The following DGKH variants were observed in gnomAD, a reference collection of about 807,000 sequenced individuals.
DGKH encodes the protein DAG kinase eta.
In DGKH, 90 loss-of-function variants were observed where a neutral mutation model predicts 159.3. The observed-to-expected ratio is 0.57, with a 90% CI of 0.48 to 0.67. DGKH has a LOEUF of 0.67. DGKH is among the 30% of genes least tolerant of loss of function. The pLI is 0.00. For synonymous variants in DGKH, 536 were observed against 553.8 expected (o/e 0.97, Z 0.45); for missense variants, 1,181 against 1,506.1 (o/e 0.78, Z 3.57).
intron 1 of DGKH, among the ~76,000 whole-genome samples, chr13:42,083,709 C>A (rs1260832910): frequency 6.6e-6 from 1 of 152,136 alleles, no homozygotes. Flanking sequence ...ACCCACTAAT[C>A]TTTTCCCTTT....
At chr13:42,045,594 G>A (rs1358233601), upstream of DGKH, among the ~76,000 whole-genome samples, 1 of 152,182 alleles carries the variant, frequency 6.6e-6, no homozygotes, top group Non-Finnish European at 1.5e-5. Flanking sequence ...TAGGTTAAAA[G>A]TTTCGAATGT....
In DGKH at chr13:42,189,017, T is replaced by C; in HGVS notation, c.1639-19T>C. The C allele has an allele frequency of 1.3e-6, 2 of 1,598,114 alleles. No individual in the cohort carries two copies. The highest frequency in any genetic ancestry group is 1.7e-6 in the Non-Finnish European group (2 of 1,170,114). On this transcript the variant is annotated intron_variant, in intron 14 of 29. Coordinates refer to ENST00000337343, the MANE Select transcript of DGKH (RefSeq NM_178009.5). ...GATTCTTTTTGAGTATTTTTCTCAT[T>C]GCCATATTTTCCTCTCAGTGTTCAG...
At chr13:42,171,590 T>A (rs1239136592) in intron 11 of DGKH, among the ~76,000 whole-genome samples, 1 of 152,246 alleles carries the variant, frequency 6.6e-6, no homozygotes, top group African/African-American at 2.4e-5. Context: ...AGAAAAGTAT[T>A]TCCAGCTATA....
intron 1 of DGKH, among the ~76,000 whole-genome samples, chr13:42,053,810 A>G (rs1271932262): frequency 1.3e-5 from 2 of 151,840 alleles, no homozygotes; most frequent in African/African-American, 4.8e-5. Flanking sequence ...TGGTAGAGAC[A>G]GGGGTTTCAC....
chr13:42,043,430 T>C (rs988649273), intron 1 of DGKH, among the ~76,000 whole-genome samples: 1 of 151,336 alleles, frequency 6.6e-6, no homozygotes, highest in African/African-American at 2.4e-5. Flanking sequence ...CGTAGCTCAC[T>C]GCAGCCAGGA....
intron 1 of DGKH, among the ~76,000 whole-genome samples, chr13:42,050,058 G>A (rs1362605860): frequency 1.3e-5 from 2 of 152,242 alleles, no homozygotes; most frequent in African/African-American, 4.8e-5. Context: ...ACTCCTATTT[G>A]GAAACATAAT....
At chr13:42,160,174 C>T in intron 7 of DGKH, 38 bp downstream of exon 7, 1 of 1,613,066 alleles carries the variant, frequency 6.2e-7, no homozygotes, top group African/African-American at 1.3e-5. Flanking sequence ...TTTTAATTAG[C>T]TTCTTTCCCT....
chr13:42,149,220 C>T (rs909059324), intron 3 of DGKH, among the ~76,000 whole-genome samples: 3 of 152,150 alleles, frequency 2.0e-5, no homozygotes, highest in Admixed American at 6.5e-5. Flanking sequence ...TGAGGCATCG[C>T]TCCTGACCTC....
At chr13:42,224,416 G>C (rs1426717284) in intron 29 of DGKH, among the ~76,000 whole-genome samples, 1 of 152,104 alleles carries the variant, frequency 6.6e-6, no homozygotes, top group African/African-American at 2.4e-5. Flanking sequence ...TTTATATCCT[G>C]TCCACAATCC....
chr13:42,181,678 A>G, intron 13 of DGKH: 1 of 413,686 alleles, frequency 2.4e-6, no homozygotes, highest in Non-Finnish European at 4.9e-6. Flanking sequence ...AAGCCACCCC[A>G]TTCCCATGAT....
chr13:42,211,637 G>T (rs1448253337), intron 24 of DGKH, among the ~76,000 whole-genome samples: 1 of 152,132 alleles, frequency 6.6e-6, no homozygotes, highest in Non-Finnish European at 1.5e-5. Flanking sequence ...GGTGGAAGTT[G>T]CAGTGAGCCA....
chr13:42,119,916 TA>T (rs1462775324), intron 1 of DGKH, among the ~76,000 whole-genome samples: 1 of 152,166 alleles, frequency 6.6e-6, no homozygotes, highest in East Asian at 1.9e-4. Flanking sequence ...GAATCAATGT[TA>T]TTTTTTTGAA....
At chr13:42,190,870 T>C (rs1594177215) in intron 16 of DGKH, among the ~76,000 whole-genome samples, 1 of 152,192 alleles carries the variant, frequency 6.6e-6, no homozygotes, top group South Asian at 2.1e-4. Flanking sequence ...CACAGATTTC[T>C]TTGAGAATTG....
intron 1 of DGKH, among the ~76,000 whole-genome samples, chr13:42,100,183 T>A (rs994898665): frequency 6.6e-6 from 1 of 152,274 alleles, no homozygotes; most frequent in African/African-American, 2.4e-5. Flanking sequence ...TAGATTCTCA[T>A]AGGAGTGCAA....
chr13:42,151,451 CT>C (rs1320572188), intron 3 of DGKH, among the ~76,000 whole-genome samples: 1 of 142,382 alleles, frequency 7.0e-6, no homozygotes, highest in African/African-American at 2.6e-5. Context: ...TGATTTTATT[CT>C]TTTTTGTGAC....
intron 3 of DGKH, among the ~76,000 whole-genome samples, chr13:42,143,762 T>G (rs12867964): frequency 0.12 from 18,205 of 152,186 alleles, 1,590 homozygotes; most frequent in East Asian, 0.42. Flanking sequence ...TTATCATTTT[T>G]TATTGTATCT....
intron 13 of DGKH, among the ~76,000 whole-genome samples, chr13:42,186,083 T>C (rs1956920221): frequency 6.6e-6 from 1 of 150,782 alleles, no homozygotes; most frequent in South Asian, 2.1e-4. Context: ...CTCAAGTTCA[T>C]AATACTGAAG....
In DGKH at chr13:42,230,820, C is replaced by T. The variant is rs754308240; in HGVS notation, c.*1632C>T. The T allele has an allele frequency of 4.0e-5, 6 of 151,852 alleles. No homozygotes were observed. The highest frequency in any genetic ancestry group is 7.4e-5 in the Non-Finnish European group (5 of 67,964). 9.4% of individuals were successfully genotyped at this position (151,852 alleles called of 1,614,324 possible). ...GTGTTTAAAGAGAAATACTAATAGG[C>T]GAGCATTTAAAATGAACTATTGTCA... On this transcript the variant is annotated 3_prime_UTR_variant, in exon 30 of 30. Coordinates refer to ENST00000337343, the MANE Select transcript of DGKH (RefSeq NM_178009.5).
chr13:42,041,697 T>G (rs997532220), intron 1 of DGKH, among the ~76,000 whole-genome samples: 3 of 152,114 alleles, frequency 2.0e-5, no homozygotes, highest in South Asian at 2.1e-4. Flanking sequence ...GGAATCCCCC[T>G]CTCACTCAGA....
Sources: gnomAD v4.1 joint callset for allele counts (sites outside exome capture counted in the v4.1 genomes callset) on GRCh38, gnomAD v4.1.1 for gene constraint, MANE v1.5 for transcripts, NCBI Gene and HGNC (gene_info 2026-07-23, HGNC 2026-07-21) for gene names.